Variants in USH2A observed in about 807,000 individuals in gnomAD.
The protein encoded by USH2A is usherin.
In USH2A, 443 loss-of-function variants were observed where a neutral mutation model predicts 538.9. The observed-to-expected ratio is 0.82, with a 90% CI of 0.76 to 0.89. The LOEUF (loss-of-function observed/expected upper bound fraction) is 0.89. Ranked by LOEUF, USH2A falls within the 40% of genes least tolerant of loss-of-function variation. The pLI is 0.00. For missense variants in USH2A, 6,633 were observed against 6,324.8 expected (o/e 1.05, Z -1.65); for synonymous variants, 2,413 against 2,273.5 (o/e 1.06, Z -1.75).
chr1:215,963,746 C>T (rs1159558350), intron 37 of USH2A, among the ~76,000 whole-genome samples: 1 of 152,066 alleles, frequency 6.6e-6, no homozygotes, highest in East Asian at 1.9e-4. Context: ...CCTTGATCAC[C>T]CCTGTCATGT....
chr1:215,787,826 T>G (rs989657141), intron 51 of USH2A, among the ~76,000 whole-genome samples: 2 of 151,994 alleles, frequency 1.3e-5, no homozygotes, highest in African/African-American at 4.8e-5. Context: ...GGTGGATCAC[T>G]TGAGGTCAGG....
chr1:215,966,356 A>C (rs1461165247), intron 36 of USH2A, among the ~76,000 whole-genome samples: 1 of 152,214 alleles, frequency 6.6e-6, no homozygotes, highest in Non-Finnish European at 1.5e-5. Flanking sequence ...CTACAAACTC[A>C]TCAGCATCAC....
intron 44 of USH2A, among the ~76,000 whole-genome samples, chr1:215,847,667 A>C (rs956875919): frequency 6.6e-6 from 1 of 151,998 alleles, no homozygotes; most frequent in Non-Finnish European, 1.5e-5. Context: ...AAAAGAAAAA[A>C]AGTTAAACAG....
rs1329610289 is a variant in USH2A, at chr1:216,148,690, C to T, written c.4627+26562G>A. Among the ~76,000 whole-genome samples, 9 of 152,112 alleles carry T rather than the reference C, an allele frequency of 5.9e-5. No individual in the cohort carries two copies. In the East Asian group the frequency reaches 9.7e-4, roughly 16 times the overall value. ...CTTACAAGTTAGTTCAGGATCTGCA[C>T]CTTATCAACCAAATTGTTTTGCCTA... On this transcript the variant is annotated intron_variant, in intron 21 of 71. Coordinates refer to ENST00000307340, the MANE Select transcript of USH2A (RefSeq NM_206933.4).
At chr1:216,414,711 A>C (rs2039548496) in intron 3 of USH2A, among the ~76,000 whole-genome samples, 2 of 152,088 alleles carry the variant, frequency 1.3e-5, no homozygotes, top group Non-Finnish European at 2.9e-5. Flanking sequence ...ATAGAGTTGT[A>C]TGTTTTATTT....
chr1:216,100,634 G>A (rs891010767), intron 21 of USH2A, among the ~76,000 whole-genome samples: 4 of 152,162 alleles, frequency 2.6e-5, no homozygotes, highest in African/African-American at 9.7e-5. Flanking sequence ...GTGTGTTGGA[G>A]TCATCTATGT....
Position 215,800,798 on chromosome 1 carries a change from T to C in USH2A, c.9740-1673A>G, listed in dbSNP as rs78118869. 2.6e-5 allele frequency among the ~76,000 whole-genome samples: 4 copies of C among 152,070 alleles called. No individual in the cohort carries two copies. In the East Asian group the frequency reaches 7.7e-4, roughly 29 times the overall value. On this transcript the variant is annotated intron_variant, in intron 49 of 71. Transcript: ENST00000307340. ...TCACTAGATGAAATGAGCAAATTAC[T>C]AGAAACATACAACTTACCAAAGAAA... is the stretch of plus-strand genomic sequence containing the variant.
intron 21 of USH2A, among the ~76,000 whole-genome samples, chr1:216,125,909 C>A (rs755955170): frequency 6.6e-6 from 1 of 152,142 alleles, no homozygotes; most frequent in African/African-American, 2.4e-5. Flanking sequence ...CATCTAAGAA[C>A]GCCGTAGGTC....
rs1324043250 is a variant in USH2A, at chr1:215,888,795, C to T, written c.7854G>A (p.Trp2618Ter). The T allele has an allele frequency of 6.2e-7, 1 of 1,614,104 alleles. No homozygotes were observed. Among genetic ancestry groups the T allele is most frequent in the South Asian group, 1.1e-5 (1 of 91,080 alleles). Residue 2618 changes from tryptophan (W) to a stop codon, truncating the protein, a stop_gained, in exon 41 of 72, where the codon TGG becomes TGA. Transcript: ENST00000307340. LOFTEE classifies it high-confidence loss of function. Reference sequence around the variant, plus strand: ...TCCCTTCCGGTGCCCCTGGGAGTGTCCATACAGTCTGGGACTCTGGTGAAA... The same window carrying T: ...TCCCTTCCGGTGCCCCTGGGAGTGTTCATACAGTCTGGGACTCTGGTGAAA... ...CSLSPESQTVWTLPGAPEGIP... is the reference protein window; with the variant it reads ...CSLSPESQTV
chr1:215,735,756 G>A (rs971631116), intron 60 of USH2A, among the ~76,000 whole-genome samples: 15 of 152,026 alleles, frequency 9.9e-5, no homozygotes, highest in African/African-American at 3.1e-4. Context: ...ATCCTACCAG[G>A]CATACTGTTA....
intron 14 of USH2A, among the ~76,000 whole-genome samples, chr1:216,223,579 G>A (rs1225320356): frequency 1.3e-5 from 2 of 152,162 alleles, no homozygotes; most frequent in African/African-American, 4.8e-5. Flanking sequence ...AAGTGTCTTT[G>A]CATGCTTCTG....
Position 215,674,932 on chromosome 1 carries a change from A to C in USH2A, c.12979T>G (p.Ser4327Ala), listed in dbSNP as rs767639632. 26 of 1,614,168 alleles carry C rather than the reference A, an allele frequency of 1.6e-5. No individual in the cohort carries two copies. Among genetic ancestry groups the C allele is most frequent in the Middle Eastern group, 1.6e-4 (1 of 6,062 alleles). Residue 4327 changes from serine (S) to alanine (A), a missense_variant, in exon 63 of 72, where the codon TCC (serine) becomes GCC (alanine). Ser to Ala is a moderately conservative substitution (Grantham distance 99, BLOSUM62 1). Transcript: ENST00000307340. Reference protein sequence around the residue: ...NYTDEELLPFSTYSYALQACT... With the variant: ...NYTDEELLPFATYSYALQACT... ...GCTTGGAGTGCATAGCTATAGGTGG[A>C]AAAAGGAAGAAGCTCTTCATCAGTG...
chr1:215,763,640 GTA>G, intron 56 of USH2A, among the ~76,000 whole-genome samples: 1 of 152,232 alleles, frequency 6.6e-6, no homozygotes, highest in Admixed American at 6.5e-5. Flanking sequence ...AGATATGGAT[GTA>G]TGTCTTCCTG....
chr1:216,109,048 T>A (rs2032804233), intron 21 of USH2A, among the ~76,000 whole-genome samples: 1 of 152,168 alleles, frequency 6.6e-6, no homozygotes, highest in Non-Finnish European at 1.5e-5. Context: ...ACCTTTTGGA[T>A]CTTATCCTCA....
chr1:216,355,233 G>A (rs563657451), intron 4 of USH2A, among the ~76,000 whole-genome samples: 1 of 151,748 alleles, frequency 6.6e-6, no homozygotes, highest in African/African-American at 2.4e-5. Context: ...AACCCAGGAG[G>A]CAGATGTTGC....
intron 49 of USH2A, among the ~76,000 whole-genome samples, chr1:215,813,099 A>G (rs1381914631): frequency 1.3e-5 from 2 of 152,220 alleles, no homozygotes; most frequent in Non-Finnish European, 2.9e-5. Flanking sequence ...GTACTTTAAA[A>G]ATGGCAGTTA....
chr1:215,993,737 G>A (rs1224610280), intron 34 of USH2A, among the ~76,000 whole-genome samples: 2 of 151,966 alleles, frequency 1.3e-5, no homozygotes, highest in African/African-American at 2.4e-5. Flanking sequence ...CAAATACAAA[G>A]CAATTTTTGA....
intron 47 of USH2A, 30 bp downstream of exon 47, chr1:215,837,961 C>G: frequency 6.5e-7 from 1 of 1,537,764 alleles, no homozygotes; most frequent in Admixed American, 1.7e-5. Context: ...ATCAGAGTTC[C>G]TTAGATTTAA....
chr1:216,247,318 A>T, intron 12 of USH2A, 92 bp from the exon 13 acceptor site: 1 of 1,493,184 alleles, frequency 6.7e-7, no homozygotes, highest in African/African-American at 1.4e-5. Flanking sequence ...AGATGATACG[A>T]ACACAAAATA....
Sources: allele counts gnomAD v4.1 joint callset (sites outside exome capture counted in the v4.1 genomes callset), GRCh38; gene constraint gnomAD v4.1.1; transcripts MANE v1.5; gene names NCBI Gene and HGNC (gene_info 2026-07-23, HGNC 2026-07-21).